The following ABCA12 variants were observed in gnomAD, a reference collection of about 807,000 sequenced individuals.
ABCA12 encodes glucosylceramide transporter ABCA12.
In ABCA12, 156 loss-of-function variants were observed where a neutral mutation model predicts 293.5. That is an observed-to-expected ratio of 0.53 (90% CI 0.47 to 0.61). The LOEUF (loss-of-function observed/expected upper bound fraction) is 0.61, where lower values mean the gene tolerates loss of function less well. Among genes scored for constraint, ABCA12 ranks in the 20% least tolerant of loss-of-function variants. The probability of loss-of-function intolerance (pLI) is 0.00; values close to 1 mark genes in which losing one functional copy is unlikely to be tolerated. For missense variants in ABCA12, 2,797 were observed against 3,090.2 expected (o/e 0.91, Z 2.25); for synonymous variants, 1,063 against 1,108.0 (o/e 0.96, Z 0.81).
intron 39 of ABCA12, among the ~76,000 whole-genome samples, chr2:214,964,785 G>A (rs183846269): frequency 6.6e-5 from 10 of 152,182 alleles, no homozygotes; most frequent in Admixed American, 2.6e-4. Context: ...TCAATATCGC[G>A]AAAATGGCCA....
intron 50 of ABCA12, among the ~76,000 whole-genome samples, chr2:214,941,068 T>C (rs1698385130): frequency 6.6e-6 from 1 of 152,178 alleles, no homozygotes; most frequent in Non-Finnish European, 1.5e-5. Flanking sequence ...GTGTTGATTT[T>C]AGATCTTTCC....
chr2:215,135,644 A>T (rs1014233187), intron 1 of ABCA12, among the ~76,000 whole-genome samples: 1 of 152,230 alleles, frequency 6.6e-6, no homozygotes, highest in Non-Finnish European at 1.5e-5. Context: ...ATGGATAACC[A>T]AGTCTAGTTC....
intron 23 of ABCA12, among the ~76,000 whole-genome samples, chr2:214,997,314 A>T (rs1700056748): frequency 6.6e-6 from 1 of 152,152 alleles, no homozygotes; most frequent in South Asian, 2.1e-4. Flanking sequence ...CTATATCTAC[A>T]TTTGGGTTAT....
chr2:214,976,598 C>G (rs1372289960), intron 33 of ABCA12, among the ~76,000 whole-genome samples: 1 of 152,106 alleles, frequency 6.6e-6, no homozygotes, highest in Non-Finnish European at 1.5e-5. Context: ...TCCTCTCTTC[C>G]AGAGTACAAT....
At position 214,948,577 on chromosome 2, in the gene ABCA12, T is replaced by C; in HGVS notation, c.7104+19A>G. On this transcript the variant is annotated intron_variant, in intron 47 of 52. Coordinates refer to ENST00000272895, the MANE Select transcript of ABCA12 (RefSeq NM_173076.3). ...CAATAATGGTTTCAAATTAAGTAAT[T>C]TTTCACACTTGTACTCACTTCTTTA... The C allele has an allele frequency of 6.2e-7, 1 of 1,613,470 alleles. No individual in the cohort carries two copies. Among genetic ancestry groups the C allele is most frequent in the South Asian group, 1.1e-5 (1 of 91,060 alleles).
At chr2:215,036,675 G>T (rs760315204) in intron 8 of ABCA12, among the ~76,000 whole-genome samples, 4 of 151,964 alleles carry the variant, frequency 2.6e-5, no homozygotes, top group Non-Finnish European at 5.9e-5. Context: ...CATAGTCCCT[G>T]ATTTTTTTTT....
chr2:215,137,434 C>T (rs780774825), intron 1 of ABCA12, among the ~76,000 whole-genome samples: 112 of 152,196 alleles, frequency 7.4e-4, no homozygotes, highest in Non-Finnish European at 1.0e-3. Flanking sequence ...ATTCCTTTCT[C>T]AATCATCCTG....
chr2:215,135,151 G>C (rs983810888), intron 1 of ABCA12, among the ~76,000 whole-genome samples: 1 of 151,916 alleles, frequency 6.6e-6, no homozygotes, highest in African/African-American at 2.4e-5. Flanking sequence ...TTTTAGTAGA[G>C]TTTTGCCATA....
At chr2:214,962,414 T>A (rs141147459) in intron 39 of ABCA12, 30 of 152,184 alleles carry the variant, frequency 2.0e-4, no homozygotes, top group Admixed American at 4.6e-4. Context: ...GCTGTAGGGA[T>A]CATCAATATT....
chr2:215,134,271 C>T (rs369280632), intron 1 of ABCA12, among the ~76,000 whole-genome samples: 37 of 137,476 alleles, frequency 2.7e-4, no homozygotes, highest in African/African-American at 8.6e-4. Flanking sequence ...TACATATATA[C>T]GTATATGTGT....
At position 215,136,922 on chromosome 2, in the gene ABCA12, G is replaced by A. The variant is rs554344858; in HGVS notation, c.69+1218C>T. Among the ~76,000 whole-genome samples, 7 of 152,100 alleles carry A rather than the reference G, an allele frequency of 4.6e-5. No individual in the cohort carries two copies. The East Asian group carries it at 1.4e-3, about 29-fold the overall frequency. On this transcript the variant is annotated intron_variant, in intron 1 of 52. Transcript: ENST00000272895. Reference sequence around the variant, plus strand: ...AAGTTACATGAGGAGCAGTGGCAGGGGCCCCAACTCGCATGCTCTGACCAC... The same window carrying A: ...AAGTTACATGAGGAGCAGTGGCAGGAGCCCCAACTCGCATGCTCTGACCAC...
intron 33 of ABCA12, among the ~76,000 whole-genome samples, 166 bp downstream of exon 33, chr2:214,978,150 A>C (rs1699563217): frequency 1.3e-5 from 2 of 152,202 alleles, no homozygotes; most frequent in Admixed American, 6.5e-5. Context: ...GATTTGGTTT[A>C]ATGAATATTT....
chr2:215,126,484 T>C (rs1702925585), intron 1 of ABCA12, among the ~76,000 whole-genome samples: 1 of 152,196 alleles, frequency 6.6e-6, no homozygotes. Flanking sequence ...CCCTGCTTGT[T>C]ATTGGTCTGT....
At chr2:215,128,397 A>T (rs983882982) in intron 1 of ABCA12, among the ~76,000 whole-genome samples, 4 of 152,186 alleles carry the variant, frequency 2.6e-5, no homozygotes, top group African/African-American at 4.8e-5. Context: ...TGTGTTTTCC[A>T]AGCTTTTAGA....
At chr2:215,097,811 C>T (rs547976391) in intron 2 of ABCA12, among the ~76,000 whole-genome samples, 1 of 152,298 alleles carries the variant, frequency 6.6e-6, no homozygotes, top group East Asian at 1.9e-4. Context: ...ATACACTGGT[C>T]CCTGTTATTT....
intron 2 of ABCA12, among the ~76,000 whole-genome samples, chr2:215,078,858 T>G (rs1020919707): frequency 6.6e-6 from 1 of 152,186 alleles, no homozygotes; most frequent in Non-Finnish European, 1.5e-5. Flanking sequence ...AGGCAATTAC[T>G]CCTCTTTTCC....
At chr2:215,039,628 G>A (rs948440377) in intron 7 of ABCA12, among the ~76,000 whole-genome samples, 19 of 151,958 alleles carry the variant, frequency 1.3e-4, no homozygotes, top group African/African-American at 2.7e-4. Context: ...GGTGGCGGGC[G>A]CCTGTAGTCC....
intron 2 of ABCA12, among the ~76,000 whole-genome samples, chr2:215,093,481 A>G (rs1445588403): frequency 6.6e-6 from 1 of 152,048 alleles, no homozygotes; most frequent in Non-Finnish European, 1.5e-5. Flanking sequence ...ACTCTTTTTC[A>G]TTACACACAG....
intron 7 of ABCA12, among the ~76,000 whole-genome samples, chr2:215,040,175 G>A (rs528589995): frequency 1.3e-5 from 2 of 151,982 alleles, no homozygotes; most frequent in Non-Finnish European, 2.9e-5. Context: ...CATTAACTAG[G>A]GGCTATCATG....
Sources: gnomAD v4.1 joint callset for allele counts (sites outside exome capture counted in the v4.1 genomes callset) on GRCh38, gnomAD v4.1.1 for gene constraint, MANE v1.5 for transcripts, NCBI Gene and HGNC (gene_info 2026-07-23, HGNC 2026-07-21) for gene names.